Variants in SCML2 observed in about 807,000 individuals in gnomAD.
SCML2 encodes Scm polycomb group protein like 2.
In SCML2, 6 loss-of-function variants were observed where a neutral mutation model predicts 48.4. The observed-to-expected ratio is 0.12, with a 90% CI of 0.07 to 0.24. The LOEUF is 0.24. Among genes scored for constraint, SCML2 ranks in the 10% least tolerant of loss-of-function variants. The pLI is 1.00. For synonymous variants in SCML2, 181 were observed against 189.5 expected, an observed-to-expected ratio of 0.95 and a Z score of 0.37; for missense variants, 377 against 528.2, an observed-to-expected ratio of 0.71 and a Z score of 2.81.
chrX:18,336,499 G>C (rs190424893), intron 1 of SCML2, among the ~76,000 whole-genome samples: 1,917 of 107,324 alleles, frequency 0.018, 49 homozygotes, highest in African/African-American at 0.062. Context: ...CACTTTTGGA[G>C]GCCGAGGCGG....
chrX:18,293,397 T>C (rs1272843083), intron 7 of SCML2, among the ~76,000 whole-genome samples: 2 of 111,550 alleles, frequency 1.8e-5, no homozygotes, highest in African/African-American at 3.3e-5. Flanking sequence ...TACAAGTTTT[T>C]AACCATACTT....
intron 7 of SCML2, among the ~76,000 whole-genome samples, chrX:18,279,016 C>A (rs1270780818): frequency 8.9e-6 from 1 of 112,500 alleles, no homozygotes; most frequent in Non-Finnish European, 1.9e-5. Flanking sequence ...GCAACCCCTG[C>A]CCGACAGGAC....
At chrX:18,308,412 A>G (rs1928837755) in intron 6 of SCML2, among the ~76,000 whole-genome samples, 1 of 109,484 alleles carries the variant, frequency 9.1e-6, no homozygotes, top group Non-Finnish European at 1.9e-5. Context: ...GAAAGAAAAT[A>G]CTGGCAAACT....
intron 7 of SCML2, among the ~76,000 whole-genome samples, chrX:18,289,560 G>A (rs1454187119): frequency 4.5e-5 from 5 of 111,585 alleles, no homozygotes; most frequent in Non-Finnish European, 1.9e-5. Context: ...TTATTCAGAA[G>A]CCTTCTAGTG....
chrX:18,305,027 G>A lies in SCML2; in HGVS notation c.675C>T (p.Phe225=). 1 of 1,210,906 alleles carries A rather than the reference G, an allele frequency of 8.3e-7. No individual in the cohort carries two copies. Among genetic ancestry groups the A allele is most frequent in the Non-Finnish European group, 1.1e-6 (1 of 895,001 alleles). ...CTGTCAGGCGACACCACCCAGCTGGGAAAATATCTCGAGAATCATACTTGC... is the reference window on the plus strand; with the variant it reads ...CTGTCAGGCGACACCACCCAGCTGGAAAAATATCTCGAGAATCATACTTGC... ...YWCKYDSRDI[F]PAGWCRLTGD... is the part of the protein sequence containing the mutation. Residue 225 remains phenylalanine (F), a synonymous_variant, in exon 7 of 15, where the codon TTC becomes TTT. Coordinates refer to ENST00000251900, the MANE Select transcript of SCML2 (RefSeq NM_006089.3).
intron 1 of SCML2, among the ~76,000 whole-genome samples, chrX:18,341,958 G>A (rs1031891894): frequency 1.8e-5 from 2 of 111,975 alleles, no homozygotes; most frequent in African/African-American, 3.2e-5. Flanking sequence ...TAGCATCAAC[G>A]GATTCTTAGT....
chrX:18,354,131 G>A, intron 1 of SCML2, among the ~76,000 whole-genome samples: 1 of 112,579 alleles, frequency 8.9e-6, no homozygotes, highest in Middle Eastern at 4.7e-3. Context: ...GCATCCTTCC[G>A]GGCCGACGTT....
intron 1 of SCML2, among the ~76,000 whole-genome samples, chrX:18,339,126 C>G (rs1435631069): frequency 9.0e-6 from 1 of 110,895 alleles, no homozygotes. Flanking sequence ...GATTTCCAAG[C>G]ATTACTTGGT....
chrX:18,261,305 T>A (rs1036869892), intron 8 of SCML2, among the ~76,000 whole-genome samples: 4 of 109,352 alleles, frequency 3.7e-5, no homozygotes, highest in Non-Finnish European at 5.7e-5. Context: ...CACAATCATG[T>A]TATTTTTCAG....
intron 7 of SCML2, among the ~76,000 whole-genome samples, chrX:18,284,573 C>A (rs924940183): frequency 6.6e-4 from 74 of 112,063 alleles, no homozygotes; most frequent in South Asian, 1.1e-3. Context: ...AAATAAATAA[C>A]CCCATTTAAA....
intron 7 of SCML2, among the ~76,000 whole-genome samples, chrX:18,287,574 T>C (rs775317238): frequency 8.9e-6 from 1 of 112,223 alleles, no homozygotes; most frequent in Non-Finnish European, 1.9e-5. Context: ...ACCTGTATTT[T>C]GTTTAAGAAA....
At chrX:18,252,302 C>CACAT (rs1052739730) in intron 11 of SCML2, among the ~76,000 whole-genome samples, 11 of 112,584 alleles carry the variant, frequency 9.8e-5, no homozygotes, top group African/African-American at 3.2e-4. Flanking sequence ...AACAACAAAA[C>CACAT]ACATTATGCT....
chrX:18,288,233 C>T (rs1050932642), intron 7 of SCML2, among the ~76,000 whole-genome samples: 16 of 111,065 alleles, frequency 1.4e-4, no homozygotes, highest in African/African-American at 4.6e-4. Flanking sequence ...CAAAAAAACA[C>T]ATCAGATGTA....
At chrX:18,246,879 A>C (rs760484319) in intron 12 of SCML2, 51 bp from the exon 13 acceptor site, 1 of 1,105,119 alleles carries the variant, frequency 9.0e-7, no homozygotes, top group South Asian at 2.1e-5. Context: ...TACAATTCAA[A>C]TACTACTAAA....
chrX:18,304,197 G>A (rs1020248188), intron 7 of SCML2, among the ~76,000 whole-genome samples: 1 of 111,017 alleles, frequency 9.0e-6, no homozygotes, highest in South Asian at 3.8e-4. Context: ...ACGCCACCGC[G>A]CCCGGCTAAT....
At chrX:18,296,160 TAAAG>T (rs1211881963) in intron 7 of SCML2, among the ~76,000 whole-genome samples, 1 of 110,586 alleles carries the variant, frequency 9.0e-6, no homozygotes. Flanking sequence ...ATAATGATAT[TAAAG>T]AAGCTCGGTG....
chrX:18,336,910 T>C (rs1438726378), intron 1 of SCML2, among the ~76,000 whole-genome samples: 1 of 110,431 alleles, frequency 9.1e-6, no homozygotes, highest in East Asian at 2.8e-4. Flanking sequence ...TATTAAATGG[T>C]CAACTAAAAC....
chrX:18,325,062 G>A (rs1202189597), intron 3 of SCML2, 85 bp from the exon 4 acceptor site: 2 of 507,221 alleles, frequency 3.9e-6, no homozygotes, highest in African/African-American at 2.5e-5. Context: ...ATTAAAATGG[G>A]TTTTAGTTCC....
intron 6 of SCML2, among the ~76,000 whole-genome samples, chrX:18,311,791 G>GTTCTGT (rs1569156818): frequency 9.0e-6 from 1 of 110,551 alleles, no homozygotes; most frequent in East Asian, 2.9e-4. Flanking sequence ...TTTTTTGTTT[G>GTTCTGT]TTTTGTTTTT....
Sources: allele counts gnomAD v4.1 joint callset (sites outside exome capture counted in the v4.1 genomes callset), GRCh38; gene constraint gnomAD v4.1.1; transcripts MANE v1.5; gene names NCBI Gene and HGNC (gene_info 2026-07-23, HGNC 2026-07-21).